The following DPP10 variants were observed in gnomAD, a reference collection of about 807,000 sequenced individuals.
DPP10 encodes dipeptidyl peptidase like 10.
Under a neutral mutation model 120.9 loss-of-function variants are expected in DPP10, and 33 were observed. The ratio of observed to expected loss-of-function variants is 0.27; its 90% CI spans 0.21 to 0.37. The LOEUF (loss-of-function observed/expected upper bound fraction) is 0.37, where lower values mean the gene tolerates loss of function less well. Ranked by LOEUF, DPP10 falls within the 10% of genes least tolerant of loss-of-function variation. The probability of loss-of-function intolerance (pLI) is 1.00; values close to 1 mark genes in which losing one functional copy is unlikely to be tolerated. For missense variants in DPP10, 816 were observed against 942.8 expected, an observed-to-expected ratio of 0.87 and a Z score of 1.76; for synonymous variants, 337 against 326.1, an observed-to-expected ratio of 1.03 and a Z score of -0.36.
intron 1 of DPP10, among the ~76,000 whole-genome samples, chr2:114,782,245 G>A (rs1243021641): frequency 6.6e-6 from 1 of 151,846 alleles, no homozygotes; most frequent in Non-Finnish European, 1.5e-5. Context: ...GAGAGATGGA[G>A]ATTATGATAG....
chr2:114,734,440 T>A (rs1037371645), intron 1 of DPP10, among the ~76,000 whole-genome samples: 2 of 152,186 alleles, frequency 1.3e-5, no homozygotes, highest in Non-Finnish European at 2.9e-5. Context: ...CCAGAATATG[T>A]TTAAATTTAC....
At chr2:115,587,185 C>A (rs2082348088) in intron 5 of DPP10, among the ~76,000 whole-genome samples, 1 of 150,566 alleles carries the variant, frequency 6.6e-6, no homozygotes, top group Non-Finnish European at 1.5e-5. Context: ...GCAAGCTCCG[C>A]CTCCCGGGTT....
intron 3 of DPP10, among the ~76,000 whole-genome samples, chr2:115,400,019 A>C (rs868653696): frequency 6.6e-5 from 10 of 152,188 alleles, no homozygotes; most frequent in African/African-American, 2.4e-4. Context: ...AGGACGTCTC[A>C]TATGGCTGGA....
intron 3 of DPP10, among the ~76,000 whole-genome samples, chr2:115,402,641 TA>T (rs745962407): frequency 0.03 from 4,080 of 136,732 alleles, 135 homozygotes; most frequent in African/African-American, 0.095. Flanking sequence ...TGAATCAGTT[TA>T]AAAAAAAAAA....
At position 115,312,414 on chromosome 2, in the gene DPP10, G is replaced by T. The variant is rs142438490; in HGVS notation, c.175+3061G>T. On this transcript the variant is annotated intron_variant, in intron 2 of 25. Coordinates refer to ENST00000410059, the MANE Select transcript of DPP10 (RefSeq NM_020868.6). ...CAAACATGTCAGAGTAATACATAAGGCCAGAAGACTAATAGTTTGCAGCTC... is the reference window on the plus strand; with the variant it reads ...CAAACATGTCAGAGTAATACATAAGTCCAGAAGACTAATAGTTTGCAGCTC... Among the ~76,000 whole-genome samples, 114 of 152,176 alleles carry T rather than the reference G, an allele frequency of 7.5e-4. 1 individual carries two copies. Among genetic ancestry groups the T allele is most frequent in the Non-Finnish European group, 1.5e-3 (100 of 67,998 alleles).
intron 1 of DPP10, among the ~76,000 whole-genome samples, chr2:114,607,599 C>A (rs1692923822): frequency 6.6e-6 from 1 of 152,130 alleles, no homozygotes; most frequent in Non-Finnish European, 1.5e-5. Context: ...TCCTAGTAGT[C>A]AACAGATTCC....
chr2:114,466,332 G>A (rs1169094661), intron 1 of DPP10, among the ~76,000 whole-genome samples: 3 of 152,168 alleles, frequency 2.0e-5, no homozygotes, highest in African/African-American at 4.8e-5. Flanking sequence ...TATGTATTGT[G>A]TATGCATAGT....
intron 3 of DPP10, among the ~76,000 whole-genome samples, chr2:115,391,037 CAGG>C (rs1046121689): frequency 2.0e-5 from 3 of 151,972 alleles, no homozygotes; most frequent in Non-Finnish European, 4.4e-5. Context: ...GCATTAAAAG[CAGG>C]AGAAGGAATA....
chr2:115,548,739 T>C (rs917809357), intron 5 of DPP10, among the ~76,000 whole-genome samples: 1 of 152,102 alleles, frequency 6.6e-6, no homozygotes, highest in East Asian at 1.9e-4. Flanking sequence ...GTCCATGATA[T>C]AAACACATGT....
chr2:114,580,858 G>A (rs1690448480), intron 1 of DPP10, among the ~76,000 whole-genome samples: 1 of 151,658 alleles, frequency 6.6e-6, no homozygotes, highest in Non-Finnish European at 1.5e-5. Context: ...CCTGTGCGCT[G>A]TTCTTTCGAG....
intron 1 of DPP10, among the ~76,000 whole-genome samples, chr2:114,636,951 G>A (rs887787555): frequency 1.3e-5 from 2 of 151,908 alleles, no homozygotes; most frequent in Admixed American, 6.6e-5. Flanking sequence ...TTTTGCTATC[G>A]CCACATACTT....
chr2:115,672,668 C>CTCTCTCTT (rs2089975977), intron 5 of DPP10, among the ~76,000 whole-genome samples: 1 of 122,896 alleles, frequency 8.1e-6, no homozygotes, highest in Non-Finnish European at 1.7e-5. Context: ...TTCTTTCTTT[C>CTCTCTCTT]TCTCTTTCTT....
At chr2:115,338,302 T>C (rs140247537) in intron 2 of DPP10, among the ~76,000 whole-genome samples, 1 of 152,112 alleles carries the variant, frequency 6.6e-6, no homozygotes, top group African/African-American at 2.4e-5. Context: ...AACAGGAGAT[T>C]GTATTTATGT....
At chr2:114,950,189 A>G (rs1420999809) in intron 1 of DPP10, among the ~76,000 whole-genome samples, 1 of 151,594 alleles carries the variant, frequency 6.6e-6, no homozygotes, top group Non-Finnish European at 1.5e-5. Flanking sequence ...TATTTCAGTG[A>G]TATGTTTTCC....
intron 1 of DPP10, among the ~76,000 whole-genome samples, chr2:114,714,668 C>G (rs1701242399): frequency 6.6e-6 from 1 of 152,090 alleles, no homozygotes; most frequent in Non-Finnish European, 1.5e-5. Context: ...GGTTATTTTT[C>G]TGAGACTATT....
At chr2:114,899,481 T>C (rs559261843) in intron 1 of DPP10, among the ~76,000 whole-genome samples, 1 of 152,252 alleles carries the variant, frequency 6.6e-6, no homozygotes, top group Admixed American at 6.5e-5. Flanking sequence ...CTCTACCCGA[T>C]GAAACCACTC....
chr2:115,466,743 T>C (rs1171647649), intron 3 of DPP10, among the ~76,000 whole-genome samples: 1 of 152,186 alleles, frequency 6.6e-6, no homozygotes, highest in Non-Finnish European at 1.5e-5. Flanking sequence ...TTGTCAGAAA[T>C]GTAGTTCTAT....
chr2:114,594,839 T>C (rs1345849855), intron 1 of DPP10, among the ~76,000 whole-genome samples: 3 of 152,008 alleles, frequency 2.0e-5, no homozygotes, highest in Non-Finnish European at 4.4e-5. Flanking sequence ...TCTTTCTCCA[T>C]TTGCTCTCTG....
intron 1 of DPP10, among the ~76,000 whole-genome samples, chr2:114,885,407 C>A (rs767970234): frequency 6.6e-6 from 1 of 152,240 alleles, no homozygotes; most frequent in East Asian, 1.9e-4. Flanking sequence ...CCAGGTCCCC[C>A]CTTCAGTACC....
Sources: allele counts gnomAD v4.1 joint callset (sites outside exome capture counted in the v4.1 genomes callset), GRCh38; gene constraint gnomAD v4.1.1; transcripts MANE v1.5; gene names NCBI Gene and HGNC (gene_info 2026-07-23, HGNC 2026-07-21).